The following PDE8B variants were observed in gnomAD, a reference collection of about 807,000 sequenced individuals.
The protein encoded by PDE8B is phosphodiesterase 8B, also known as high affinity cAMP-specific and IBMX-insensitive 3',5'-cyclic phosphodiesterase 8B.
In PDE8B, 26 loss-of-function variants were observed where a neutral mutation model predicts 101.3. The ratio of observed to expected loss-of-function variants is 0.26; its 90% CI spans 0.19 to 0.36. PDE8B has a LOEUF of 0.36. PDE8B is among the 10% of genes least tolerant of loss of function. PDE8B has a pLI of 1.00. For missense variants in PDE8B, 810 were observed against 1,163.1 expected, an observed-to-expected ratio of 0.70 and a Z score of 4.42; for synonymous variants, 424 against 429.3, an observed-to-expected ratio of 0.99 and a Z score of 0.15.
At chr5:77,167,768 A>G in the PDE8B span, among the ~76,000 whole-genome samples, 3 of 152,190 alleles carry the variant, frequency 2.0e-5, no homozygotes, top group Admixed American at 6.5e-5. Context: ...GGATTGTGAC[A>G]TCTGCTAGGA....
At chr5:77,186,463 C>T in the PDE8B span, among the ~76,000 whole-genome samples, 1 of 152,040 alleles carries the variant, frequency 6.6e-6, no homozygotes, top group African/African-American at 2.4e-5. Flanking sequence ...TTTTAATGAC[C>T]CTGGAATCAG....
intron 1 of PDE8B, among the ~76,000 whole-genome samples, chr5:77,232,030 G>A (rs1405066799): frequency 1.3e-5 from 2 of 152,246 alleles, no homozygotes; most frequent in African/African-American, 4.8e-5. Flanking sequence ...GACAGTGGAT[G>A]TGGATGGGCA....
At chr5:77,287,232 TTTATTA>T (rs962550735) in intron 1 of PDE8B, among the ~76,000 whole-genome samples, 1 of 151,826 alleles carries the variant, frequency 6.6e-6, no homozygotes, top group African/African-American at 2.4e-5. Flanking sequence ...TGGAAATTCT[TTTATTA>T]TTATTATTAT....
chr5:77,203,556 A>C, the PDE8B span, among the ~76,000 whole-genome samples: 1 of 152,222 alleles, frequency 6.6e-6, no homozygotes, highest in African/African-American at 2.4e-5. Flanking sequence ...ATTCCCTTTG[A>C]TAAAGTTTTC....
the PDE8B span, among the ~76,000 whole-genome samples, chr5:77,102,000 TA>T: frequency 6.6e-6 from 1 of 152,202 alleles, no homozygotes; most frequent in African/African-American, 2.4e-5. Flanking sequence ...ATTGTCCACC[TA>T]AAAAGGTAAA....
chr5:77,325,811 A>G, intron 3 of PDE8B, 82 bp downstream of exon 3: 1 of 971,362 alleles, frequency 1.0e-6, no homozygotes, highest in African/African-American at 1.6e-5. Flanking sequence ...TCTTTAGTTT[A>G]TTTCAAATAT....
the PDE8B span, among the ~76,000 whole-genome samples, chr5:77,130,205 A>G: frequency 6.6e-6 from 1 of 152,172 alleles, no homozygotes; most frequent in Non-Finnish European, 1.5e-5. Context: ...ACAATTAACC[A>G]TGTAGAAAAG....
At chr5:77,313,049 A>G (rs555657118) in intron 2 of PDE8B, among the ~76,000 whole-genome samples, 1 of 152,358 alleles carries the variant, frequency 6.6e-6, no homozygotes, top group African/African-American at 2.4e-5. Context: ...TTATCTGCAT[A>G]TAAGCCATCC....
chr5:77,259,031 A>AACAC (rs371906795), intron 1 of PDE8B, among the ~76,000 whole-genome samples: 1 of 134,252 alleles, frequency 7.4e-6, no homozygotes, highest in Non-Finnish European at 1.5e-5. Context: ...CCCTGCCTCC[A>AACAC]ACACACACAC....
At chr5:77,414,196 G>C (rs970486828) in intron 17 of PDE8B, among the ~76,000 whole-genome samples, 1 of 152,096 alleles carries the variant, frequency 6.6e-6, no homozygotes, top group African/African-American at 2.4e-5. Flanking sequence ...ACAGTAAGGG[G>C]GTATGTGGGT....
At chr5:77,267,244 C>T (rs561153436) in intron 1 of PDE8B, among the ~76,000 whole-genome samples, 2 of 152,086 alleles carry the variant, frequency 1.3e-5, no homozygotes, top group South Asian at 4.2e-4. Flanking sequence ...TCAAGACCAT[C>T]CTGGCTAAGG....
Position 77,222,442 on chromosome 5 carries a change from T to C in PDE8B, c.339+11178T>C, listed in dbSNP as rs562526063. Among the ~76,000 whole-genome samples, 28 of 152,128 alleles carry C rather than the reference T, an allele frequency of 1.8e-4. No homozygotes were observed. The South Asian group carries it at 5.4e-3, about 29-fold the overall frequency. Reference sequence around the variant, plus strand: ...TTCGAGACTATCCTGACCAACATGGTGAAACCCCATCTCTCCTAAAAATAC... The same window carrying C: ...TTCGAGACTATCCTGACCAACATGGCGAAACCCCATCTCTCCTAAAAATAC... On this transcript the variant is annotated intron_variant, in intron 1 of 21. Transcript: ENST00000264917.
chr5:77,106,567 G>A, the PDE8B span, among the ~76,000 whole-genome samples: 1 of 152,064 alleles, frequency 6.6e-6, no homozygotes, highest in African/African-American at 2.4e-5. Context: ...TATTAAAATT[G>A]CTTTGGTTAT....
At position 77,265,195 on chromosome 5, in the gene PDE8B, T is replaced by C. The variant is rs146483473; in HGVS notation, c.340-46799T>C. On this transcript the variant is annotated intron_variant, in intron 1 of 21. Transcript: ENST00000264917. Reference sequence around the variant, plus strand: ...TGGGATGGTTGGGGCGATGCTATACTGTAAATATCAGCTAACCCAGAAACC... The same window carrying C: ...TGGGATGGTTGGGGCGATGCTATACCGTAAATATCAGCTAACCCAGAAACC... Among the ~76,000 whole-genome samples the C allele has an allele frequency of 2.3e-3, 347 of 152,288 alleles. 2 individuals carry two copies. The highest frequency in any genetic ancestry group is 8.0e-3 in the African/African-American group (331 of 41,570).
At chr5:77,372,972 G>A (rs1785328414) in intron 10 of PDE8B, among the ~76,000 whole-genome samples, 1 of 151,738 alleles carries the variant, frequency 6.6e-6, no homozygotes, top group Non-Finnish European at 1.5e-5. Context: ...AGGTTGCAGT[G>A]AGCTGAGATT....
chr5:77,155,736 T>C, the PDE8B span, among the ~76,000 whole-genome samples: 1 of 152,226 alleles, frequency 6.6e-6, no homozygotes, highest in Non-Finnish European at 1.5e-5. Context: ...TTGCCGATGA[T>C]GGTATAGCAA....
intron 10 of PDE8B, among the ~76,000 whole-genome samples, chr5:77,376,859 T>C (rs1786234849): frequency 6.6e-6 from 1 of 152,132 alleles, no homozygotes. Flanking sequence ...ATTAAGTAGT[T>C]TAATGACTCT....
chr5:77,220,404 G>A (rs1750849230), intron 1 of PDE8B, among the ~76,000 whole-genome samples: 1 of 152,196 alleles, frequency 6.6e-6, no homozygotes, highest in Admixed American at 6.5e-5. Context: ...GAAGGGACAA[G>A]GAGGTGGGGC....
At chr5:77,216,076 C>G (rs756362312) in intron 1 of PDE8B, among the ~76,000 whole-genome samples, 1 of 152,162 alleles carries the variant, frequency 6.6e-6, no homozygotes, top group Non-Finnish European at 1.5e-5. Context: ...GCACCCTGAT[C>G]AGACAGAGTC....
Sources: allele counts gnomAD v4.1 joint callset (sites outside exome capture counted in the v4.1 genomes callset), GRCh38; gene constraint gnomAD v4.1.1; transcripts MANE v1.5; gene names NCBI Gene and HGNC (gene_info 2026-07-23, HGNC 2026-07-21).